Variants in ZNF449 observed in about 807,000 individuals in gnomAD.
ZNF449 encodes zinc finger protein 449, also known as zinc finger and SCAN domain-containing protein 19.
ZNF449 carries 4 observed loss-of-function variants against 32.6 expected under a neutral mutation model. That is an observed-to-expected ratio of 0.12 (90% CI 0.06 to 0.28). The LOEUF is 0.28. ZNF449 is among the 10% of genes least tolerant of loss of function. The pLI, the probability that ZNF449 is intolerant of heterozygous loss-of-function variation, is 1.00. For missense variants in ZNF449, 275 were observed against 383.2 expected, an observed-to-expected ratio of 0.72 and a Z score of 2.36; for synonymous variants, 123 against 132.2, an observed-to-expected ratio of 0.93 and a Z score of 0.48.
At position 135,363,166 on chromosome X, in the gene ZNF449, A is replaced by G. The variant is rs893668363; in HGVS notation, c.*2090A>G. ...TGCTCTTCCTGCTTCACTTGCACTA[A>G]TTAATTATTTGAACAACTTAGAGCT... On this transcript the variant is annotated 3_prime_UTR_variant, in exon 5 of 5. Transcript: ENST00000339249. The G allele has an allele frequency of 8.0e-5, 9 of 112,286 alleles. No individual in the cohort carries two copies. In the Admixed American group the frequency reaches 8.5e-4, roughly 11 times the overall value. The allele number at this position is 112,286 out of a possible 1,213,427, so 9.3% of individuals were successfully genotyped here.
chrX:135,357,820 A>G (rs2084925836), intron 3 of ZNF449, among the ~76,000 whole-genome samples: 2 of 110,968 alleles, frequency 1.8e-5, no homozygotes, highest in African/African-American at 6.5e-5. Context: ...CTTGTATGAT[A>G]TATCTTTTTC....
chrX:135,347,656 T>C, intron 2 of ZNF449, 184 bp downstream of exon 2: 1 of 1,117,290 alleles, frequency 9.0e-7, no homozygotes, highest in African/African-American at 1.8e-5. Flanking sequence ...TCAGACTCAA[T>C]TCCCCTTCTA....
Position 135,362,786 on chromosome X carries a change from A to G in ZNF449, c.*1710A>G, listed in dbSNP as rs951591470. 9 of 112,011 alleles carry G rather than the reference A, an allele frequency of 8.0e-5. No individual in the cohort carries two copies. The highest frequency in any genetic ancestry group is 2.8e-4 in the East Asian group (1 of 3,598). 9.2% of individuals were successfully genotyped at this position (112,011 alleles called of 1,213,427 possible). A position where few individuals can be genotyped will look rare whatever the true frequency, so the allele number is the denominator to read the frequency against. ...AATATAATTCATGGATCAGGCTCAT[A>G]AAGATTTTATAATATTTTTAGTTAA... On this transcript the variant is annotated 3_prime_UTR_variant, in exon 5 of 5. Transcript: ENST00000339249.
chrX:135,346,994 C>T, intron 1 of ZNF449, 25 bp from the exon 2 acceptor site: 1 of 649,551 alleles, frequency 1.5e-6, no homozygotes, highest in East Asian at 3.5e-5. Flanking sequence ...CCTGTTTCTC[C>T]TTTCTCATTT....
At chrX:135,360,116 C>A in intron 4 of ZNF449, 77 bp from the exon 5 acceptor site, 1 of 1,099,227 alleles carries the variant, frequency 9.1e-7, no homozygotes, top group Non-Finnish European at 1.2e-6. Flanking sequence ...ACTGGTTTAA[C>A]ATAACTCTTC....
chrX:135,358,288 C>T (rs782629063), intron 3 of ZNF449, among the ~76,000 whole-genome samples: 46 of 111,140 alleles, frequency 4.1e-4, no homozygotes, highest in Non-Finnish European at 6.6e-4. Flanking sequence ...CATGTTACAT[C>T]AAAAATGTTT....
chrX:135,352,742 T>C (rs920916766), intron 3 of ZNF449, among the ~76,000 whole-genome samples: 1 of 112,225 alleles, frequency 8.9e-6, no homozygotes, highest in Non-Finnish European at 1.9e-5. Context: ...TATTCTACTA[T>C]ACCAAAAAAT....
chrX:135,360,974 C>T lies in ZNF449; in HGVS notation c.1455C>T (p.His485=). The T allele has an allele frequency of 2.5e-6, 3 of 1,211,106 alleles. No individual in the cohort carries two copies. The highest frequency in any genetic ancestry group is 2.2e-6 in the Non-Finnish European group (2 of 895,120). ...GCCTCGTTATTCATTTAAGAATCCA[C>T]ACAGGGGAGAAGCCATACAAGTGTA... ...RPSLVIHLRI[H]TGEKPYKCTH... is the part of the protein sequence containing the mutation. Residue 485 remains histidine (H), a synonymous_variant, in exon 5 of 5, where the codon CAC becomes CAT. Coordinates refer to ENST00000339249, the MANE Select transcript of ZNF449 (RefSeq NM_152695.6).
chrX:135,358,885 T>C (rs782410183), intron 3 of ZNF449, among the ~76,000 whole-genome samples: 28 of 111,970 alleles, frequency 2.5e-4, no homozygotes, highest in Non-Finnish European at 1.7e-4. Context: ...GAAAACAAAA[T>C]AGTGAATTTA....
In ZNF449 at chrX:135,349,192, C is replaced by G. The variant is rs782341717; in HGVS notation, c.437C>G (p.Pro146Arg). Reference protein sequence around the residue: ...HIPPTMHLESPALQVMGPAQE... With the variant: ...HIPPTMHLESRALQVMGPAQE... Reference sequence around the variant, plus strand: ...CCACCAACCATGCACCTAGAGTCACCTGCACTCCAGGTAATGGGACCTGCC... The same window carrying G: ...CCACCAACCATGCACCTAGAGTCACGTGCACTCCAGGTAATGGGACCTGCC... Residue 146 changes from proline (P) to arginine (R), a missense_variant, in exon 3 of 5, where the codon CCT (proline) becomes CGT (arginine). Transcript: ENST00000339249. 1 of 1,211,215 alleles carries G rather than the reference C, an allele frequency of 8.3e-7. No individual in the cohort carries two copies. Among genetic ancestry groups the G allele is most frequent in the Admixed American group, 2.2e-5 (1 of 46,041 alleles).
intron 3 of ZNF449, among the ~76,000 whole-genome samples, chrX:135,354,072 A>T (rs948501913): frequency 8.9e-6 from 1 of 112,303 alleles, no homozygotes; most frequent in Non-Finnish European, 1.9e-5. Flanking sequence ...GAATACTTAT[A>T]TATGCGGGTA....
rs372267453 is a variant in ZNF449, at chrX:135,347,233, A to G, written c.115A>G (p.Arg39Gly). Residue 39 changes from arginine to glycine, a missense_variant, in exon 2 of 5, where the codon AGA becomes GGA. Arg to Gly is a moderately radical substitution (Grantham distance 125). Transcript: ENST00000339249. ...FRQRFRQFQY[R>G]EAAGPHEAFN... ...TCAGCGCTTCAGGCAGTTCCAGTAC[A>G]GAGAAGCAGCTGGGCCTCATGAAGC... is the stretch of plus-strand genomic sequence containing the variant. The G allele has an allele frequency of 6.6e-6, 8 of 1,211,175 alleles. 1 individual carries two copies. The highest frequency in any genetic ancestry group is 2.3e-4 in the Middle Eastern group (1 of 4,363).
rs2084951793 is a variant in ZNF449 at position 135,362,393 on chromosome X, T to C, written c.*1317T>C. 8.9e-6 allele frequency: 1 copy of C among 111,945 alleles called. No individual in the cohort carries two copies. Among genetic ancestry groups the C allele is most frequent in the Non-Finnish European group, 1.9e-5 (1 of 53,086 alleles). 9.2% of individuals were successfully genotyped at this position (111,945 alleles called of 1,213,427 possible). A position where few individuals can be genotyped will look rare whatever the true frequency, so the allele number is the denominator to read the frequency against. ...GATAATGTATAAGTTTCCCAGTGATTCTCAACCTCTTTGAATTTTACTTAT... is the reference window on the plus strand; with the variant it reads ...GATAATGTATAAGTTTCCCAGTGATCCTCAACCTCTTTGAATTTTACTTAT... On this transcript the variant is annotated 3_prime_UTR_variant, in exon 5 of 5. Coordinates refer to ENST00000339249, the MANE Select transcript of ZNF449 (RefSeq NM_152695.6).
intron 3 of ZNF449, among the ~76,000 whole-genome samples, chrX:135,349,605 A>G (rs782804660): frequency 7.2e-5 from 8 of 111,855 alleles, no homozygotes; most frequent in Non-Finnish European, 3.8e-5. Context: ...TCTCAGCCCA[A>G]TTTTAATCAA....
intron 3 of ZNF449, among the ~76,000 whole-genome samples, chrX:135,358,410 A>G (rs1602690696): frequency 9.0e-6 from 1 of 111,652 alleles, no homozygotes; most frequent in African/African-American, 3.2e-5. Flanking sequence ...TTATATTAGC[A>G]TTGTTTATCA....
chrX:135,345,180 T>A (rs2084834254), intron 1 of ZNF449, among the ~76,000 whole-genome samples: 1 of 112,909 alleles, frequency 8.9e-6, no homozygotes, highest in African/African-American at 3.2e-5. Flanking sequence ...ACTCTTGCCG[T>A]TCCTCAAGTG....
At chrX:135,350,154 G>A (rs911273971) in intron 3 of ZNF449, among the ~76,000 whole-genome samples, 2 of 111,252 alleles carry the variant, frequency 1.8e-5, no homozygotes, top group Admixed American at 1.9e-4. Flanking sequence ...TCACAGGCAT[G>A]CACTACCACA....
In ZNF449 at chrX:135,347,373, G is replaced by A; in HGVS notation, c.255G>A (p.Glu85=). ...AATTCCTAACTATCCTGCCCACAGAGATAGAGACCTGGGTGAGGGAGCACT... is the reference window on the plus strand; with the variant it reads ...AATTCCTAACTATCCTGCCCACAGAAATAGAGACCTGGGTGAGGGAGCACT... The part of the protein sequence containing the change: ...LEQFLTILPT[E]IETWVREHCP... The change falls in exon 2 of 5, where the codon GAG becomes GAA. Residue 85 remains glutamate (E), a synonymous_variant. Transcript: ENST00000339249. The A allele has an allele frequency of 8.2e-7, 1 of 1,212,355 alleles. No homozygotes were observed. The highest frequency in any genetic ancestry group is 1.8e-5 in the South Asian group (1 of 57,006).
intron 3 of ZNF449, among the ~76,000 whole-genome samples, chrX:135,359,352 A>G (rs2084933338): frequency 9.0e-6 from 1 of 111,238 alleles, no homozygotes; most frequent in Non-Finnish European, 1.9e-5. Context: ...TCACCTGTAT[A>G]AGTTATCTGG....
Sources: gnomAD v4.1 joint callset for allele counts (sites outside exome capture counted in the v4.1 genomes callset) on GRCh38, gnomAD v4.1.1 for gene constraint, MANE v1.5 for transcripts, NCBI Gene and HGNC (gene_info 2026-07-23, HGNC 2026-07-21) for gene names.